Variants in DTNA observed in about 807,000 individuals in gnomAD.
The protein encoded by DTNA is dystrophin-related protein 3.
In DTNA, 43 loss-of-function variants were observed where a neutral mutation model predicts 100.7. The ratio of observed to expected loss-of-function variants is 0.43; its 90% CI spans 0.33 to 0.55. The LOEUF is 0.55. Among genes scored for constraint, DTNA ranks in the 20% least tolerant of loss-of-function variants. DTNA has a pLI of 0.04. For synonymous variants in DTNA, 349 were observed against 347.9 expected (o/e 1.00, Z -0.04); for missense variants, 798 against 953.9 (o/e 0.84, Z 2.15).
At chr18:34,571,474 C>T (rs2047580839) in intron 1 of DTNA, among the ~76,000 whole-genome samples, 1 of 152,062 alleles carries the variant, frequency 6.6e-6, no homozygotes, top group African/African-American at 2.4e-5. Flanking sequence ...AGTGTGGTGG[C>T]TCACCCCTGT....
chr18:34,653,555 G>T (rs2073931218), intron 1 of DTNA, among the ~76,000 whole-genome samples: 1 of 152,128 alleles, frequency 6.6e-6, no homozygotes, highest in African/African-American at 2.4e-5. Flanking sequence ...AGGTGCAGTG[G>T]CTTATGCCTG....
At chr18:34,770,599 T>C (rs1280125510) in intron 3 of DTNA, among the ~76,000 whole-genome samples, 1 of 152,162 alleles carries the variant, frequency 6.6e-6, no homozygotes, top group Non-Finnish European at 1.5e-5. Context: ...TTCCCGGGAT[T>C]CTAAAAGGAC....
At chr18:34,879,179 T>C (rs757050577) in intron 19 of DTNA, among the ~76,000 whole-genome samples, 6 of 152,216 alleles carry the variant, frequency 3.9e-5, no homozygotes, top group Admixed American at 2.6e-4. Context: ...GGTGAATATT[T>C]TATGGTTAGG....
chr18:34,537,675 A>G (rs1277513749), intron 1 of DTNA, among the ~76,000 whole-genome samples: 1 of 151,928 alleles, frequency 6.6e-6, no homozygotes, highest in African/African-American at 2.4e-5. Flanking sequence ...CAAAACACAG[A>G]AGATAGGTCT....
intron 1 of DTNA, among the ~76,000 whole-genome samples, chr18:34,633,041 T>C (rs923930639): frequency 6.6e-6 from 1 of 152,184 alleles, no homozygotes; most frequent in Non-Finnish European, 1.5e-5. Context: ...TGAATCCAGG[T>C]AGTCTCATTC....
intron 1 of DTNA, among the ~76,000 whole-genome samples, chr18:34,724,672 T>C (rs1254017204): frequency 6.6e-6 from 1 of 152,144 alleles, no homozygotes; most frequent in East Asian, 1.9e-4. Flanking sequence ...CTCATTACAG[T>C]GAAGACAACA....
chr18:34,669,997 T>G (rs1445356481), intron 1 of DTNA, among the ~76,000 whole-genome samples: 1 of 152,262 alleles, frequency 6.6e-6, no homozygotes, highest in African/African-American at 2.4e-5. Flanking sequence ...GGGGAAGTTC[T>G]CCTGGATAAT....
At chr18:34,612,379 GC>G (rs1237269843) in intron 1 of DTNA, among the ~76,000 whole-genome samples, 1 of 152,126 alleles carries the variant, frequency 6.6e-6, no homozygotes, top group African/African-American at 2.4e-5. Context: ...GGCGATGGTG[GC>G]CAAGGAGGTC....
Position 34,537,519 on chromosome 18 carries a change from CA to C in DTNA, c.-2+44015del, listed in dbSNP as rs563196052. 1.2e-3 allele frequency among the ~76,000 whole-genome samples: 164 copies of C among 140,006 alleles called. No individual in the cohort carries two copies. In the East Asian group the frequency reaches 0.012, roughly 10 times the overall value. The allele number at this position is 140,006 out of a possible 152,430, so 91.8% of individuals were successfully genotyped here. ...AATATAAATAACATGTTTTAAAAAG[CA>C]AAAAAAAAAGCACATTTACAATCCC... On this transcript the variant is annotated intron_variant, in intron 1 of 19. Transcript: ENST00000283365.
At chr18:34,652,771 G>T (rs544373967) in intron 1 of DTNA, among the ~76,000 whole-genome samples, 1 of 152,204 alleles carries the variant, frequency 6.6e-6, no homozygotes, top group South Asian at 2.1e-4. Flanking sequence ...TGTACTGCAT[G>T]ACAGCTAAGC....
At chr18:34,809,704 G>A (rs2149301495) in intron 5 of DTNA, among the ~76,000 whole-genome samples, 1 of 152,164 alleles carries the variant, frequency 6.6e-6, no homozygotes, top group East Asian at 1.9e-4. Context: ...CTTATTGTTG[G>A]TGAACACAGA....
intron 1 of DTNA, among the ~76,000 whole-genome samples, chr18:34,540,011 G>C (rs2044095218): frequency 1.3e-5 from 2 of 151,688 alleles, no homozygotes; most frequent in Non-Finnish European, 2.9e-5. Flanking sequence ...ACTAAACCAA[G>C]TGACAAATCT....
At chr18:34,823,273 A>G (rs1432374683) in intron 9 of DTNA, among the ~76,000 whole-genome samples, 3 of 152,234 alleles carry the variant, frequency 2.0e-5, no homozygotes, top group East Asian at 3.8e-4. Context: ...TTAATCTGCT[A>G]TAATGAACAT....
At chr18:34,544,806 G>A (rs774631489) in intron 1 of DTNA, among the ~76,000 whole-genome samples, 1 of 151,792 alleles carries the variant, frequency 6.6e-6, no homozygotes, top group Admixed American at 6.6e-5. Flanking sequence ...CTGGTTTCTC[G>A]GTGTTGAGGA....
chr18:34,810,554 G>C (rs576391320), intron 5 of DTNA, among the ~76,000 whole-genome samples: 4 of 151,894 alleles, frequency 2.6e-5, no homozygotes, highest in South Asian at 4.2e-4. Context: ...CAGGAGGTTG[G>C]GGGGATAGGG....
At chr18:34,669,706 G>A (rs1439115732) in intron 1 of DTNA, among the ~76,000 whole-genome samples, 4 of 152,176 alleles carry the variant, frequency 2.6e-5, no homozygotes, top group Non-Finnish European at 5.9e-5. Context: ...GGCTGGATAT[G>A]AAATTCTGGG....
intron 1 of DTNA, among the ~76,000 whole-genome samples, chr18:34,539,262 A>T (rs1014879621): frequency 3.3e-5 from 5 of 152,008 alleles, no homozygotes; most frequent in African/African-American, 1.2e-4. Context: ...CATTCAAAAA[A>T]AAAAAGTTGG....
intron 1 of DTNA, among the ~76,000 whole-genome samples, chr18:34,689,522 G>C (rs887350018): frequency 6.6e-6 from 1 of 152,118 alleles, no homozygotes; most frequent in Non-Finnish European, 1.5e-5. Context: ...TGGAAGCTTC[G>C]TCCCAGAAGG....
At chr18:34,596,649 A>G (rs1321343727) in intron 1 of DTNA, among the ~76,000 whole-genome samples, 1 of 152,150 alleles carries the variant, frequency 6.6e-6, no homozygotes, top group Non-Finnish European at 1.5e-5. Flanking sequence ...TCCTACTGCT[A>G]TTATAGTTGT....
Sources: gnomAD v4.1 joint callset for allele counts (sites outside exome capture counted in the v4.1 genomes callset) on GRCh38, gnomAD v4.1.1 for gene constraint, MANE v1.5 for transcripts, NCBI Gene and HGNC (gene_info 2026-07-23, HGNC 2026-07-21) for gene names.